Variants in ZNF536 observed in about 807,000 individuals in gnomAD.
ZNF536 encodes zinc finger protein 536.
Under a neutral mutation model 84.5 loss-of-function variants are expected in ZNF536, and 13 were observed. The observed-to-expected ratio is 0.15, with a 90% CI of 0.10 to 0.24. ZNF536 has a LOEUF of 0.24. ZNF536 is among the 10% of genes least tolerant of loss of function. The pLI is 1.00. For synonymous variants in ZNF536, 811 were observed against 742.5 expected, an observed-to-expected ratio of 1.09 and a Z score of -1.50; for missense variants, 1,536 against 1,747.5, an observed-to-expected ratio of 0.88 and a Z score of 2.16.
At chr19:30,564,790 G>C (rs1320236526) in intron 1 of ZNF536, among the ~76,000 whole-genome samples, 1 of 152,200 alleles carries the variant, frequency 6.6e-6, no homozygotes, top group Non-Finnish European at 1.5e-5. Flanking sequence ...TGTGTTTTAT[G>C]CTCTTTTCCC....
intron 1 of ZNF536, among the ~76,000 whole-genome samples, chr19:30,574,951 C>T (rs181058806): frequency 6.6e-6 from 1 of 152,228 alleles, no homozygotes; most frequent in African/African-American, 2.4e-5. Context: ...AAAGTGATGG[C>T]AGGAAGGCTG....
At chr19:30,492,915 C>T (rs148681012) in intron 2 of ZNF536, among the ~76,000 whole-genome samples, 93 of 152,234 alleles carry the variant, frequency 6.1e-4, no homozygotes, top group South Asian at 4.4e-3. Flanking sequence ...CTATCGCCAA[C>T]GCCATAATGC....
At chr19:30,695,764 C>T (rs1568680561) in intron 1 of ZNF536, among the ~76,000 whole-genome samples, 1 of 152,168 alleles carries the variant, frequency 6.6e-6, no homozygotes, top group Non-Finnish European at 1.5e-5. Context: ...AGAGGTCTCA[C>T]TGTTGGTCTG....
intron 1 of ZNF536, among the ~76,000 whole-genome samples, chr19:30,684,119 A>G (rs1293565013): frequency 6.6e-6 from 1 of 151,438 alleles, no homozygotes; most frequent in East Asian, 1.9e-4. Context: ...ACTCACATGT[A>G]CACACACACA....
intron 1 of ZNF536, among the ~76,000 whole-genome samples, chr19:30,383,396 T>A (rs2049100518): frequency 6.6e-6 from 1 of 152,016 alleles, no homozygotes; most frequent in South Asian, 2.1e-4. Flanking sequence ...AGGTCTGGGG[T>A]CTGCCCAGTT....
At chr19:30,432,121 A>G (rs918387678) in intron 1 of ZNF536, among the ~76,000 whole-genome samples, 1 of 151,964 alleles carries the variant, frequency 6.6e-6, no homozygotes, top group Non-Finnish European at 1.5e-5. Context: ...ATAAAAATCC[A>G]TTACAGAGAA....
At chr19:30,706,172 A>C (rs1402946607) in intron 1 of ZNF536, among the ~76,000 whole-genome samples, 1 of 152,202 alleles carries the variant, frequency 6.6e-6, no homozygotes, top group Non-Finnish European at 1.5e-5. Context: ...ATTACTCAGT[A>C]ATGTGACAAT....
At chr19:30,253,838 T>C (rs530619569) in intron 1 of ZNF536, among the ~76,000 whole-genome samples, 10 of 152,124 alleles carry the variant, frequency 6.6e-5, no homozygotes, top group African/African-American at 1.9e-4. Flanking sequence ...TCCTTAGTCA[T>C]AGGAAAGGGA....
At position 30,317,610 on chromosome 19, in the gene ZNF536, T is replaced by C. The variant is rs367699232; in HGVS notation, c.-120+33469T>C. 3.3e-3 allele frequency among the ~76,000 whole-genome samples: 502 copies of C among 152,318 alleles called. 6 individuals are homozygous for C. The highest frequency in any genetic ancestry group is 0.011 in the African/African-American group (475 of 41,576). On this transcript the variant is annotated intron_variant, in intron 2 of 5. Transcript: ENST00000585628. ...CAGCCCTCACGGAGGTTGCTGGCAA[T>C]GTGTCTTGGGCAGACCATTTGCGCC... is the stretch of plus-strand genomic sequence containing the variant.
In ZNF536 at chr19:30,684,311, G is replaced by A. The variant is rs140795674; in HGVS notation, c.170-26446G>A. 3.7e-4 allele frequency among the ~76,000 whole-genome samples: 56 copies of A among 152,138 alleles called. 1 individual carries two copies. In the East Asian group the frequency reaches 0.01, roughly 28 times the overall value. On this transcript the variant is annotated intron_variant, in intron 1 of 1. Coordinates refer to the ZNF536 transcript ENST00000592773. ...CACAATGCCTGGCTAATTTTTTTGT[G>A]TTTCTGGTGGAGATGGGGTTTCACT...
At chr19:30,352,415 T>G (rs1048004878) in exon 3 of ZNF536, 3 of 152,228 alleles carry the variant, frequency 2.0e-5, no homozygotes, top group Non-Finnish European at 4.4e-5. Context: ...TGCACCAACT[T>G]TATCCTTTCT....
intron 2 of ZNF536, among the ~76,000 whole-genome samples, chr19:30,305,837 G>A (rs949165470): frequency 2.6e-5 from 4 of 152,242 alleles, no homozygotes; most frequent in African/African-American, 4.8e-5. Context: ...AGGGGCCAGC[G>A]TGGGTGAGGA....
At chr19:30,342,325 T>C (rs2047589891) in intron 2 of ZNF536, among the ~76,000 whole-genome samples, 1 of 152,218 alleles carries the variant, frequency 6.6e-6, no homozygotes, top group African/African-American at 2.4e-5. Flanking sequence ...TATTTATATA[T>C]TTATTTATTT....
intron 1 of ZNF536, among the ~76,000 whole-genome samples, chr19:30,377,652 G>A (rs904520024): frequency 2.0e-5 from 3 of 152,128 alleles, no homozygotes; most frequent in Non-Finnish European, 2.9e-5. Flanking sequence ...TGAAAAGGGA[G>A]TAATTTTCTT....
chr19:30,563,325 C>T (rs2046238462), intron 1 of ZNF536, among the ~76,000 whole-genome samples: 1 of 152,166 alleles, frequency 6.6e-6, no homozygotes, highest in South Asian at 2.1e-4. Context: ...TATGATAATT[C>T]AACAAGCCCA....
intron 1 of ZNF536, among the ~76,000 whole-genome samples, chr19:30,565,769 G>A (rs1433283828): frequency 1.3e-5 from 2 of 151,988 alleles, no homozygotes; most frequent in South Asian, 2.1e-4. Flanking sequence ...AGCGCCTCAG[G>A]TTATGACCTT....
chr19:30,425,411 C>A (rs1286353056), intron 1 of ZNF536, among the ~76,000 whole-genome samples: 1 of 152,164 alleles, frequency 6.6e-6, no homozygotes, highest in Non-Finnish European at 1.5e-5. Flanking sequence ...CCCAAACCAA[C>A]TTAAACCACC....
chr19:30,631,775 G>A (rs1211213458), intron 1 of ZNF536, among the ~76,000 whole-genome samples: 1 of 152,184 alleles, frequency 6.6e-6, no homozygotes, highest in Non-Finnish European at 1.5e-5. Context: ...GGAGGGCAAC[G>A]TGGGTGTCTG....
At position 30,277,828 on chromosome 19, in the gene ZNF536, G is replaced by A. The variant is rs191757828; in HGVS notation, c.-189-6244G>A. 2.7e-3 allele frequency among the ~76,000 whole-genome samples: 413 copies of A among 152,294 alleles called. 2 individuals carry two copies. Among genetic ancestry groups the A allele is most frequent in the African/African-American group, 9.4e-3 (391 of 41,558 alleles). On this transcript the variant is annotated intron_variant, in intron 1 of 5. Transcript: ENST00000585628. ...CTCTTTGAGACACATTGTGGCTGTC[G>A]AATAACAGCTCAGGCACCTGCTCTG...
Sources: allele counts gnomAD v4.1 joint callset (sites outside exome capture counted in the v4.1 genomes callset), GRCh38; gene constraint gnomAD v4.1.1; transcripts MANE v1.5; gene names NCBI Gene and HGNC (gene_info 2026-07-23, HGNC 2026-07-21).